The following FBLN7 variants were observed in gnomAD, a reference collection of about 807,000 sequenced individuals.
FBLN7 encodes fibulin 7.
FBLN7 carries 31 observed loss-of-function variants against 44.0 expected under a neutral mutation model. The observed-to-expected ratio is 0.70, with a 90% CI of 0.53 to 0.95. The LOEUF is 0.95. Ranked by LOEUF, FBLN7 falls within the 40% of genes least tolerant of loss-of-function variation. FBLN7 has a pLI of 0.00. For missense variants in FBLN7, 573 were observed against 618.5 expected (o/e 0.93, Z 0.78); for synonymous variants, 262 against 253.4 (o/e 1.03, Z -0.32).
At chr2:112,153,053 C>T (rs1413035626) in intron 1 of FBLN7, 2 of 152,200 alleles carry the variant, frequency 1.3e-5, no homozygotes, top group Non-Finnish European at 2.9e-5. Flanking sequence ...GTGAAATTCT[C>T]TCACTTCCTC....
intron 1 of FBLN7, among the ~76,000 whole-genome samples, chr2:112,142,078 T>C (rs1174353250): frequency 6.6e-6 from 1 of 152,196 alleles, no homozygotes; most frequent in Admixed American, 6.5e-5. Flanking sequence ...TGAGACTCTC[T>C]TTCACCCACA....
chr2:112,162,054 TCTGTCACCCAGG>T (rs1310524271), intron 2 of FBLN7, among the ~76,000 whole-genome samples: 1 of 152,200 alleles, frequency 6.6e-6, no homozygotes, highest in Admixed American at 6.5e-5. Context: ...AAGGTCTCGC[TCTGTCACCCAGG>T]CTGGAGAGCA....
At chr2:112,241,777 AAT>A in the FBLN7 span, among the ~76,000 whole-genome samples, 32 of 152,342 alleles carry the variant, frequency 2.1e-4, no homozygotes, top group African/African-American at 6.0e-4. Flanking sequence ...GCTAGGTCTT[AAT>A]ATTCAGTGTA....
At chr2:112,178,274 A>G (rs2872048) in intron 4 of FBLN7, among the ~76,000 whole-genome samples, 23,164 of 150,422 alleles carry the variant, frequency 0.15, 2,710 homozygotes, top group African/African-American at 0.32. Context: ...AAAAACCAAA[A>G]GAAAACAAAC....
chr2:112,163,183 G>C lies in FBLN7; in HGVS notation c.236-1818G>C, dbSNP rs577094575. ...CACGGCTGCTCCTCAAAGAACCCTA[G>C]GTTGTGTCCGGCCCAGGTGGGATTT... is the stretch of plus-strand genomic sequence containing the variant. On this transcript the variant is annotated intron_variant, in intron 2 of 7. Coordinates refer to ENST00000331203, the MANE Select transcript of FBLN7 (RefSeq NM_153214.3). 2.6e-5 allele frequency among the ~76,000 whole-genome samples: 4 copies of C among 152,320 alleles called. No individual in the cohort carries two copies. In the South Asian group the frequency reaches 8.3e-4, roughly 32 times the overall value.
the FBLN7 span, among the ~76,000 whole-genome samples, chr2:112,239,579 C>CTTTTTTTTTTT: frequency 5.8e-5 from 5 of 86,490 alleles, no homozygotes; most frequent in Non-Finnish European, 8.7e-5. Context: ...TAACAGTTTA[C>CTTTTTTTTTTT]TTTTTTTTTT....
intron 3 of FBLN7, among the ~76,000 whole-genome samples, chr2:112,165,810 T>A (rs1214306028): frequency 6.6e-6 from 1 of 152,196 alleles, no homozygotes; most frequent in Non-Finnish European, 1.5e-5. Context: ...GTGCTAGGTT[T>A]AAAAACAGCA....
Position 112,165,006 on chromosome 2 carries a change from T to G in FBLN7, c.241T>G (p.Cys81Gly), listed in dbSNP as rs1479792017. 1 of 1,613,890 alleles carries G rather than the reference T, an allele frequency of 6.2e-7. No homozygotes were observed. Among genetic ancestry groups the G allele is most frequent in the Non-Finnish European group, 8.5e-7 (1 of 1,179,914 alleles). Reference protein sequence around the residue: ...RVGPDALPVSCPALNTPADGR... With the variant: ...RVGPDALPVSGPALNTPADGR... ...CCTTCCATCTCTCCTTACAGTTTCCTGCCCGGCTCTGAACACCCCCGCAGA... is the reference window on the plus strand; with the variant it reads ...CCTTCCATCTCTCCTTACAGTTTCCGGCCCGGCTCTGAACACCCCCGCAGA... The change falls in exon 3 of 8, where the codon TGC (cysteine) becomes GGC (glycine). Residue 81 changes from cysteine (C) to glycine (G), a missense_variant. Cys to Gly is a radical substitution (Grantham distance 159, BLOSUM62 -3). Transcript: ENST00000331203.
At chr2:112,149,023 G>A (rs1283056310) in intron 1 of FBLN7, among the ~76,000 whole-genome samples, 1 of 152,194 alleles carries the variant, frequency 6.6e-6, no homozygotes, top group African/African-American at 2.4e-5. Flanking sequence ...TCATAGTGAC[G>A]CAAAGACTTA....
chr2:112,149,290 T>G (rs1306561744), intron 1 of FBLN7, among the ~76,000 whole-genome samples: 1 of 152,150 alleles, frequency 6.6e-6, no homozygotes, highest in East Asian at 1.9e-4. Flanking sequence ...CATGGCCCGC[T>G]GGGAAAGGAG....
intron 2 of FBLN7, among the ~76,000 whole-genome samples, chr2:112,160,666 A>G (rs866102902): frequency 3.5e-4 from 50 of 141,336 alleles, no homozygotes; most frequent in African/African-American, 1.3e-3. Context: ...ACGCGCACGC[A>G]CACGCACACG....
chr2:112,222,178 G>A, the FBLN7 span, among the ~76,000 whole-genome samples: 2 of 152,158 alleles, frequency 1.3e-5, no homozygotes, highest in Non-Finnish European at 2.9e-5. Flanking sequence ...TTCTTTTGTT[G>A]AGTGTTCTTG....
the FBLN7 span, chr2:112,213,054 C>G: frequency 6.7e-6 from 1 of 149,368 alleles, no homozygotes; most frequent in Non-Finnish European, 1.5e-5. Flanking sequence ...ACTGCAACCT[C>G]GAATTCATGG....
At chr2:112,170,608 T>C (rs746030544) in intron 3 of FBLN7, among the ~76,000 whole-genome samples, 4 of 151,148 alleles carry the variant, frequency 2.6e-5, no homozygotes, top group Non-Finnish European at 4.4e-5. Context: ...TTTGGCACAA[T>C]TGAAGAAATG....
At chr2:112,160,670 G>T (rs1351098008) in intron 2 of FBLN7, among the ~76,000 whole-genome samples, 1 of 142,502 alleles carries the variant, frequency 7.0e-6, no homozygotes, top group African/African-American at 2.6e-5. Flanking sequence ...GCACGCACAC[G>T]CACACGCAGA....
the FBLN7 span, among the ~76,000 whole-genome samples, chr2:112,204,168 G>C: frequency 8.1e-4 from 122 of 151,468 alleles, no homozygotes; most frequent in Non-Finnish European, 1.5e-3. Context: ...AAAGTATAAG[G>C]CTGAAATAAC....
chr2:112,187,320 G>A lies in FBLN7; in HGVS notation c.1134G>A (p.Gly378=), dbSNP rs762847963. ...PNSLRFGIVG[G]NSRGHFVMQR... ...GCCTGCGGTTTGGGATCGTGGGTGG[G>A]AACAGCCGCGGCCACTTTGTGATGC... Residue 378 remains glycine, a synonymous_variant, in exon 8 of 8, where the codon GGG becomes GGA. Coordinates refer to ENST00000331203, the MANE Select transcript of FBLN7 (RefSeq NM_153214.3). This position sits in a 1 kb window ranked among gnomAD's most constrained non-coding sequence, Gnocchi z 5.1. 5 of 1,614,054 alleles carry A rather than the reference G, an allele frequency of 3.1e-6. No homozygotes were observed. Among genetic ancestry groups the A allele is most frequent in the Admixed American group, 3.3e-5 (2 of 60,004 alleles).
intron 1 of FBLN7, among the ~76,000 whole-genome samples, chr2:112,154,896 C>A (rs113144014): frequency 1.3e-5 from 2 of 152,060 alleles, no homozygotes; most frequent in East Asian, 3.9e-4. Flanking sequence ...TTGCTCTGCT[C>A]GTTAACATGA....
the FBLN7 span, among the ~76,000 whole-genome samples, chr2:112,227,304 C>T: frequency 1.3e-5 from 2 of 152,178 alleles, no homozygotes; most frequent in Admixed American, 6.5e-5. Context: ...GCAGGCGGAT[C>T]GCCTGAGGTC....
Sources: allele counts gnomAD v4.1 joint callset (sites outside exome capture counted in the v4.1 genomes callset), GRCh38; gene constraint gnomAD v4.1.1; non-coding constraint Gnocchi (gnomAD v3.1); transcripts MANE v1.5; gene names NCBI Gene and HGNC (gene_info 2026-07-23, HGNC 2026-07-21).